PEDS1: variants seen among roughly 807,000 people sequenced by gnomAD.
PEDS1 encodes the protein CarF homolog.
Under a neutral mutation model 35.2 loss-of-function variants are expected in PEDS1, and 14 were observed. That is an observed-to-expected ratio of 0.40 (90% CI 0.26 to 0.62). The LOEUF (loss-of-function observed/expected upper bound fraction) is 0.62. Among genes scored for constraint, PEDS1 ranks in the 20% least tolerant of loss-of-function variants. The pLI is 0.44. For missense variants in PEDS1, 260 were observed against 367.8 expected (o/e 0.71, Z 2.40); for synonymous variants, 152 against 152.0 (o/e 1.00, Z 0.00).
At chr20:50,127,340 GTTTTTTT>G (rs11471254) in intron 5 of PEDS1, among the ~76,000 whole-genome samples, 8 of 87,182 alleles carry the variant, frequency 9.2e-5, no homozygotes, top group South Asian at 3.8e-4. Context: ...GTGTTTTCTG[GTTTTTTT>G]TTTTTTTTTT....
Position 50,125,033 on chromosome 20 carries a change from C to G in PEDS1, c.*25G>C. On this transcript the variant is annotated 3_prime_UTR_variant, in exon 6 of 6. Transcript: ENST00000371652. ...CGGTTTGGGGGCTAGGGAAGGTTGGCAACCAGGTAGCAGGCTCGGAGAAGT... is the reference window on the plus strand; with the variant it reads ...CGGTTTGGGGGCTAGGGAAGGTTGGGAACCAGGTAGCAGGCTCGGAGAAGT... The G allele has an allele frequency of 6.2e-7, 1 of 1,611,682 alleles. No homozygotes were observed. Among genetic ancestry groups the G allele is most frequent in the Non-Finnish European group, 8.5e-7 (1 of 1,178,258 alleles).
At chr20:50,140,560 GT>G (rs2081281976) in intron 2 of PEDS1, among the ~76,000 whole-genome samples, 1 of 151,700 alleles carries the variant, frequency 6.6e-6, no homozygotes. Flanking sequence ...GCTCTTCCCT[GT>G]GCCTTGGATG....
Position 50,129,408 on chromosome 20 carries a change from G to A in PEDS1, c.478+138C>T. The A allele has an allele frequency of 7.5e-7, 1 of 1,339,244 alleles. No individual in the cohort carries two copies. 83.0% of individuals were successfully genotyped at this position (1,339,244 alleles called of 1,614,324 possible). On this transcript the variant is annotated intron_variant, in intron 4 of 5. Coordinates refer to ENST00000371652, the MANE Select transcript of PEDS1 (RefSeq NM_199129.4). The surrounding 1 kb of genome is among the most constrained non-coding windows in gnomAD (Gnocchi z 4.2). ...CCTCCATCTTCATGTCAGGTTTCCT[G>A]ATTTTACATGAAGACAATGAATGAA...
intron 3 of PEDS1, 39 bp downstream of exon 3, chr20:50,130,817 A>G: frequency 6.2e-7 from 1 of 1,612,678 alleles, no homozygotes; most frequent in East Asian, 2.2e-5. Context: ...ATACAGCCCA[A>G]CCTCCTTCTT....
chr20:50,153,378 C>A (rs966442581), intron 1 of PEDS1, 139 bp downstream of exon 1: 1 of 1,212,156 alleles, frequency 8.2e-7, no homozygotes, highest in Non-Finnish European at 1.0e-6. Flanking sequence ...GGGGTGGGGT[C>A]CCCGAACTTG....
chr20:50,153,330 CG>C (rs1330801426), intron 1 of PEDS1, among the ~76,000 whole-genome samples, 186 bp downstream of exon 1: 3 of 152,046 alleles, frequency 2.0e-5, no homozygotes, highest in Non-Finnish European at 1.5e-5. Context: ...CAGGAAACCC[CG>C]GGGCCAAGGT....
chr20:50,129,763 C>A lies in PEDS1; in HGVS notation c.334-73G>T. ...GCTGCTCTCCACAGCCCCCTAAACACATTCACCCTGGGCTCACCTCCCGCC... is the reference window on the plus strand; with the variant it reads ...GCTGCTCTCCACAGCCCCCTAAACAAATTCACCCTGGGCTCACCTCCCGCC... On this transcript the variant is annotated intron_variant, in intron 3 of 5. Coordinates refer to ENST00000371652, the MANE Select transcript of PEDS1 (RefSeq NM_199129.4). This position sits in a 1 kb window ranked among gnomAD's most constrained non-coding sequence, Gnocchi z 4.2. 1.3e-6 allele frequency: 2 copies of A among 1,580,086 alleles called. No individual in the cohort carries two copies. The highest frequency in any genetic ancestry group is 8.6e-7 in the Non-Finnish European group (1 of 1,163,306).
chr20:50,128,366 CCTCCTG>C lies in PEDS1; in HGVS notation c.479-185_479-180del, dbSNP rs1369882713. Among the ~76,000 whole-genome samples the C allele has an allele frequency of 1.3e-5, 2 of 152,302 alleles. No homozygotes were observed. Among genetic ancestry groups the C allele is most frequent in the Middle Eastern group, 3.4e-3 (1 of 294 alleles). ...GGTGCTGCCCTGGGCTTCAGGCTTT[CCTCCTG>C]CTCAGGAAGCAGGCGTAATGGTGTA... On this transcript the variant is annotated intron_variant, in intron 4 of 5. Transcript: ENST00000371652. The surrounding 1 kb of genome is among the most constrained non-coding windows in gnomAD (Gnocchi z 5.2).
chr20:50,153,395 G>T (rs2081425997), intron 1 of PEDS1, 122 bp downstream of exon 1: 1 of 1,225,758 alleles, frequency 8.2e-7, no homozygotes, highest in Non-Finnish European at 1.0e-6. Flanking sequence ...CTTGCTATTT[G>T]CAAGTTAGAC....
In PEDS1 at chr20:50,153,711, C is replaced by A; in HGVS notation, c.-74G>T. The A allele has an allele frequency of 8.7e-7, 1 of 1,148,118 alleles. No individual in the cohort carries two copies. Among genetic ancestry groups the A allele is most frequent in the Non-Finnish European group, 1.1e-6 (1 of 935,136 alleles). The allele number at this position is 1,148,118 out of a possible 1,614,324, so 71.1% of individuals were successfully genotyped here. ...CAGGGCCGCGGAACCGCGGCGAGATCACGCCGCCCAATGACCGCCCAGCGC... is the reference window on the plus strand; with the variant it reads ...CAGGGCCGCGGAACCGCGGCGAGATAACGCCGCCCAATGACCGCCCAGCGC... On this transcript the variant is annotated 5_prime_UTR_variant, in exon 1 of 6. Coordinates refer to ENST00000371652, the MANE Select transcript of PEDS1 (RefSeq NM_199129.4).
In PEDS1 at chr20:50,122,576, G is replaced by C. The variant is rs1348963508; in HGVS notation, c.*2482C>G. The C allele has an allele frequency of 1.3e-5, 2 of 152,070 alleles. No individual in the cohort carries two copies. Among genetic ancestry groups the C allele is most frequent in the Admixed American group, 6.6e-5 (1 of 15,252 alleles). The allele number at this position is 152,070 out of a possible 1,614,324, so 9.4% of individuals were successfully genotyped here. A position where few individuals can be genotyped will look rare whatever the true frequency, so the allele number is the denominator to read the frequency against. ...AAATTAGCCGGGCATGGTGGTGGGCGCCTGTAATCCCAGCTACTCAGAAAT... is the reference window on the plus strand; with the variant it reads ...AAATTAGCCGGGCATGGTGGTGGGCCCCTGTAATCCCAGCTACTCAGAAAT... On this transcript the variant is annotated 3_prime_UTR_variant, in exon 6 of 6. Coordinates refer to ENST00000371652, the MANE Select transcript of PEDS1 (RefSeq NM_199129.4).
intron 1 of PEDS1, among the ~76,000 whole-genome samples, chr20:50,150,310 A>T (rs1482249755): frequency 6.6e-6 from 1 of 152,076 alleles, no homozygotes; most frequent in African/African-American, 2.4e-5. Context: ...AATCTCAAAC[A>T]TTCTGCTCCT....
In PEDS1 at chr20:50,143,495, C is replaced by T. The variant is rs1347867342; in HGVS notation, c.241+7G>A. 6.2e-6 allele frequency: 10 copies of T among 1,601,134 alleles called. No homozygotes were observed. Among genetic ancestry groups the T allele is most frequent in the Non-Finnish European group, 8.5e-6 (10 of 1,174,770 alleles). On this transcript the variant is annotated splice_region_variant and intron_variant, in intron 2 of 5. Transcript: ENST00000371652. ...TTGAGGCAGGCAGCAGTGCCTCGGG[C>T]ACTCACCAACACCGAGTATGACGAG...
intron 1 of PEDS1, among the ~76,000 whole-genome samples, chr20:50,148,600 G>A: frequency 6.6e-6 from 1 of 152,190 alleles, no homozygotes; most frequent in East Asian, 1.9e-4. Flanking sequence ...CTGCTTTCCA[G>A]GGGACAGGCT....
At chr20:50,151,784 G>A (rs576761131) in intron 1 of PEDS1, among the ~76,000 whole-genome samples, 2 of 152,106 alleles carry the variant, frequency 1.3e-5, no homozygotes, top group South Asian at 2.1e-4. Context: ...GCGTGAACCC[G>A]GGAGGAGGAG....
intron 5 of PEDS1, 150 bp downstream of exon 5, chr20:50,127,825 G>A (rs2081126255): frequency 2.7e-6 from 3 of 1,110,958 alleles, no homozygotes; most frequent in Non-Finnish European, 3.9e-6. Flanking sequence ...CTGGCACACA[G>A]TAGGTGCTCA....
chr20:50,142,025 G>C (rs1213093987), intron 2 of PEDS1, among the ~76,000 whole-genome samples: 1 of 152,200 alleles, frequency 6.6e-6, no homozygotes, highest in African/African-American at 2.4e-5. Flanking sequence ...GGTGCATGGA[G>C]AGGAAGGAAA....
At chr20:50,127,345 T>TTG (rs1414949100) in intron 5 of PEDS1, among the ~76,000 whole-genome samples, 1 of 134,534 alleles carries the variant, frequency 7.4e-6, no homozygotes, top group Non-Finnish European at 1.6e-5. Flanking sequence ...TTCTGGTTTT[T>TTG]TTTTTTTTTT....
At chr20:50,135,658 C>CAAAAAAAAAA (rs34069451) in intron 2 of PEDS1, among the ~76,000 whole-genome samples, 1 of 37,848 alleles carries the variant, frequency 2.6e-5, no homozygotes, top group Non-Finnish European at 4.7e-5. Context: ...AACTCCATCT[C>CAAAAAAAAAA]AAAAAAAAAA....
Sources: gnomAD v4.1 joint callset for allele counts (sites outside exome capture counted in the v4.1 genomes callset) on GRCh38, gnomAD v4.1.1 for gene constraint, Gnocchi (gnomAD v3.1) non-coding constraint, MANE v1.5 for transcripts, NCBI Gene and HGNC (gene_info 2026-07-23, HGNC 2026-07-21) for gene names.